Variants in TMEM132B observed in about 807,000 individuals in gnomAD.
TMEM132B encodes the protein transmembrane protein 132B.
In TMEM132B, 18 loss-of-function variants were observed where a neutral mutation model predicts 90.8. That is an observed-to-expected ratio of 0.20 (90% CI 0.14 to 0.29). The LOEUF (loss-of-function observed/expected upper bound fraction) is 0.29. Ranked by LOEUF, TMEM132B falls within the 10% of genes least tolerant of loss-of-function variation. The pLI, the probability that TMEM132B is intolerant of heterozygous loss-of-function variation, is 1.00. For synonymous variants in TMEM132B, 504 were observed against 523.3 expected (o/e 0.96, Z 0.50); for missense variants, 1,096 against 1,326.8 (o/e 0.83, Z 2.70).
intron 3 of TMEM132B, among the ~76,000 whole-genome samples, chr12:125,494,473 GT>G (rs1882468951): frequency 1.0e-5 from 1 of 99,214 alleles, no homozygotes; most frequent in African/African-American, 4.1e-5. Context: ...AAATGGATGC[GT>G]CCCTCCTCCC....
chr12:125,517,155 TTCTC>T (rs1162369201), intron 3 of TMEM132B, among the ~76,000 whole-genome samples: 19 of 150,818 alleles, frequency 1.3e-4, no homozygotes, highest in Admixed American at 8.6e-4. Flanking sequence ...AACACACATT[TTCTC>T]TCTCTCTCTT....
chr12:125,514,807 A>ACAGC (rs1883065940), intron 3 of TMEM132B, among the ~76,000 whole-genome samples: 2 of 152,142 alleles, frequency 1.3e-5, no homozygotes, highest in South Asian at 4.1e-4. Context: ...GCACTGAGGA[A>ACAGC]CAGCCGCATG....
At chr12:125,551,104 T>G (rs1228102071) in intron 4 of TMEM132B, among the ~76,000 whole-genome samples, 3 of 152,256 alleles carry the variant, frequency 2.0e-5, no homozygotes, top group Non-Finnish European at 4.4e-5. Context: ...TGAGCCACTG[T>G]GTCTGGCCCT....
intron 1 of TMEM132B, among the ~76,000 whole-genome samples, chr12:125,234,269 C>T (rs762803398): frequency 2.6e-5 from 4 of 152,176 alleles, no homozygotes; most frequent in Non-Finnish European, 4.4e-5. Context: ...CCTGATCACA[C>T]AATTCTTGTT....
chr12:125,392,380 T>C (rs779185470), intron 2 of TMEM132B, among the ~76,000 whole-genome samples: 58 of 152,286 alleles, frequency 3.8e-4, no homozygotes, highest in Non-Finnish European at 5.7e-4. Context: ...GTCATGGAAA[T>C]ACATTCACTC....
At chr12:125,440,716 C>T (rs1050808567) in intron 3 of TMEM132B, among the ~76,000 whole-genome samples, 1 of 152,098 alleles carries the variant, frequency 6.6e-6, no homozygotes, top group Non-Finnish European at 1.5e-5. Flanking sequence ...AATCAGTGGC[C>T]CATAAACCTG....
chr12:125,235,146 G>A (rs1873906348), intron 1 of TMEM132B, among the ~76,000 whole-genome samples: 1 of 152,138 alleles, frequency 6.6e-6, no homozygotes, highest in African/African-American at 2.4e-5. Context: ...GGTGCCCCTG[G>A]GAGAGGCTGC....
chr12:125,425,122 A>G (rs894855327), intron 3 of TMEM132B, among the ~76,000 whole-genome samples: 4 of 152,156 alleles, frequency 2.6e-5, no homozygotes, highest in African/African-American at 9.7e-5. Flanking sequence ...TGCCTGACTC[A>G]AGCTTGGTTA....
At chr12:125,335,836 C>T (rs769635502) in intron 1 of TMEM132B, among the ~76,000 whole-genome samples, 4 of 151,920 alleles carry the variant, frequency 2.6e-5, no homozygotes, top group Non-Finnish European at 4.4e-5. Flanking sequence ...AAAATACAAA[C>T]ATTAGCCAGG....
intron 4 of TMEM132B, among the ~76,000 whole-genome samples, chr12:125,582,332 C>A (rs183258905): frequency 6.6e-6 from 1 of 151,242 alleles, no homozygotes; most frequent in East Asian, 1.9e-4. Flanking sequence ...CCATCTCTTA[C>A]TCTATTAAGC....
In TMEM132B at chr12:125,471,903, C is replaced by G. The variant is rs537606336; in HGVS notation, c.1107-47536C>G. 1.7e-4 allele frequency among the ~76,000 whole-genome samples: 26 copies of G among 152,312 alleles called. No individual in the cohort carries two copies. The South Asian group carries it at 5.2e-3, about 30-fold the overall frequency. On this transcript the variant is annotated intron_variant, in intron 3 of 8. Transcript: ENST00000682704. ...GTAAAGGCACGATTCATTTCTTGGT[C>G]TGATTCCAGATCTTATGGTCTTAAC...
intron 4 of TMEM132B, among the ~76,000 whole-genome samples, chr12:125,535,582 C>G (rs1473824106): frequency 3.3e-5 from 5 of 152,160 alleles, no homozygotes; most frequent in Admixed American, 3.3e-4. Flanking sequence ...GAAAGATTCT[C>G]TGCCACGATT....
chr12:125,598,537 G>GTTA (rs1239421453), intron 5 of TMEM132B, among the ~76,000 whole-genome samples: 21 of 152,140 alleles, frequency 1.4e-4, no homozygotes, highest in African/African-American at 5.1e-4. Context: ...GGGGCTAATA[G>GTTA]CCCCAAGAGT....
chr12:125,356,623 A>G (rs747589796), intron 2 of TMEM132B, among the ~76,000 whole-genome samples: 10 of 152,204 alleles, frequency 6.6e-5, no homozygotes, highest in Non-Finnish European at 1.3e-4. Flanking sequence ...GGACATCTAC[A>G]GGAGCCCCCT....
intron 5 of TMEM132B, 51 bp downstream of exon 5, chr12:125,584,045 G>T (rs567688024): frequency 5.0e-6 from 8 of 1,612,176 alleles, no homozygotes; most frequent in Admixed American, 3.3e-5. Context: ...GCTTTTTGTC[G>T]TTCCTTCTTT....
rs1478977613 is a variant in TMEM132B at position 125,656,493 on chromosome 12, C to G, written c.*1783C>G. 6.6e-6 allele frequency: 1 copy of G among 152,168 alleles called. No homozygotes were observed. Among genetic ancestry groups the G allele is most frequent in the Non-Finnish European group, 1.5e-5 (1 of 68,046 alleles). The allele number at this position is 152,168 out of a possible 1,614,324, so 9.4% of individuals were successfully genotyped here. A position where few individuals can be genotyped will look rare whatever the true frequency, so the allele number is the denominator to read the frequency against. ...GACTGTAGTGTGTTTGGGAACAGTG[C>G]TGAAATTGCAAGTGATGTAGGCCTG... On this transcript the variant is annotated 3_prime_UTR_variant, in exon 9 of 9. Transcript: ENST00000682704.
At position 125,646,905 on chromosome 12, in the gene TMEM132B, A is replaced by T. The variant is rs115956859; in HGVS notation, c.1643+2624A>T. Reference sequence around the variant, plus strand: ...TAAATCAGATGTTAGAATATCTGACAAGGATTTTAAAGCAGCCATACCAAA... The same window carrying T: ...TAAATCAGATGTTAGAATATCTGACTAGGATTTTAAAGCAGCCATACCAAA... On this transcript the variant is annotated intron_variant, in intron 6 of 8. Coordinates refer to ENST00000682704, the MANE Select transcript of TMEM132B (RefSeq NM_001366854.1). Among the ~76,000 whole-genome samples, 1,340 of 152,326 alleles carry T rather than the reference A, an allele frequency of 8.8e-3. 21 individuals are homozygous for T. Among genetic ancestry groups the T allele is most frequent in the African/African-American group, 0.031 (1,282 of 41,562 alleles).
chr12:125,626,861 G>A (rs1199595642), intron 5 of TMEM132B, among the ~76,000 whole-genome samples: 1 of 151,472 alleles, frequency 6.6e-6, no homozygotes, highest in African/African-American at 2.4e-5. Context: ...GAAAAATCTT[G>A]GTTATATAGT....
At chr12:125,387,840 T>C (rs1431195350) in intron 2 of TMEM132B, among the ~76,000 whole-genome samples, 1 of 152,232 alleles carries the variant, frequency 6.6e-6, no homozygotes, top group Non-Finnish European at 1.5e-5. Context: ...AAAGGCAATG[T>C]AAAGAATTCT....
Sources: allele counts gnomAD v4.1 joint callset (sites outside exome capture counted in the v4.1 genomes callset), GRCh38; gene constraint gnomAD v4.1.1; transcripts MANE v1.5; gene names NCBI Gene and HGNC (gene_info 2026-07-23, HGNC 2026-07-21).